MROH1: variants seen among roughly 807,000 people sequenced by gnomAD.
MROH1 encodes the protein maestro heat like repeat family member 1, also known as maestro heat-like repeat-containing protein family member 1.
MROH1 carries 117 observed loss-of-function variants against 116.5 expected under a neutral mutation model. The ratio of observed to expected loss-of-function variants is 1.00; its 90% confidence interval spans 0.86 to 1.17. The LOEUF (loss-of-function observed/expected upper bound fraction) is 1.17. Among genes scored for constraint, MROH1 ranks in the 50% most tolerant of loss-of-function variants. The pLI is 0.00. For synonymous variants in MROH1, 921 were observed against 583.9 expected (o/e 1.58, Z -8.32); for missense variants, 1,873 against 1,338.5 (o/e 1.40, Z -6.23).
At chr8:144,218,760 T>C (rs1246872901) in intron 12 of MROH1, among the ~76,000 whole-genome samples, 2 of 6,580 alleles carry the variant, frequency 3.0e-4, no homozygotes, top group Non-Finnish European at 5.7e-4. Context: ...CGCTTCCCCT[T>C]TTCCCTCCCC....
Position 144,244,243 on chromosome 8 carries a change from C to G in MROH1, c.2577C>G (p.Asp859Glu). 1.4e-6 allele frequency: 1 copy of G among 718,082 alleles called. No homozygotes were observed. Among genetic ancestry groups the G allele is most frequent in the Non-Finnish European group, 2.6e-6 (1 of 384,968 alleles). 44.5% of individuals were successfully genotyped at this position (718,082 alleles called of 1,614,324 possible). A position where few individuals can be genotyped will look rare whatever the true frequency, so the allele number is the denominator to read the frequency against. The change falls in exon 27 of 44, where the codon GAC becomes GAG. Residue 859 changes from aspartate to glutamate, a missense_variant. Physicochemically the swap from Asp to Glu is conservative, Grantham distance 45 (BLOSUM62 2). Coordinates refer to ENST00000326134, the MANE Select transcript of MROH1 (RefSeq NM_032450.3). ...TYLVSVEPAL[D>E]EQARADVIHG... Reference sequence around the variant, plus strand: ...TCAGCTCCGTGGAGCCAGCGCTGGACGAGCAGGCCCGGGCGGATGTGATCC... The same window carrying G: ...TCAGCTCCGTGGAGCCAGCGCTGGAGGAGCAGGCCCGGGCGGATGTGATCC...
intron 10 of MROH1, among the ~76,000 whole-genome samples, chr8:144,197,840 G>A (rs138795083): frequency 6.7e-6 from 1 of 150,068 alleles, no homozygotes. Context: ...TTGGGAGGCC[G>A]AGGCGGGCGG....
At chr8:144,254,681 C>T in intron 33 of MROH1, 132 bp from the exon 34 acceptor site, 1 of 609,930 alleles carries the variant, frequency 1.6e-6, no homozygotes, top group Non-Finnish European at 2.9e-6. Flanking sequence ...GAGGCCATTT[C>T]CCAGCTGGCT....
Position 144,260,368 on chromosome 8 carries a change from C to T in MROH1, c.4374C>T (p.Phe1458=), listed in dbSNP as rs1329470181. Residue 1458 remains phenylalanine (F), a synonymous_variant, in exon 39 of 44, where the codon TTC becomes TTT. Coordinates refer to ENST00000326134, the MANE Select transcript of MROH1 (RefSeq NM_032450.3). ...TGGCCATCCGCATCCGGCCTTTCTT[C>T]GACAGTGTAGGCTGGTTGGGGCAGG... ...LHVAIRIRPF[F]DSEKMEFRTA... is the part of the protein sequence containing the mutation. 2.1e-5 allele frequency: 15 copies of T among 719,358 alleles called. No individual in the cohort carries two copies. Among genetic ancestry groups the T allele is most frequent in the African/African-American group, 8.7e-5 (5 of 57,782 alleles). The allele number at this position is 719,358 out of a possible 1,614,324, so 44.6% of individuals were successfully genotyped here. A position where few individuals can be genotyped will look rare whatever the true frequency, so the allele number is the denominator to read the frequency against.
chr8:144,247,513 G>A, intron 30 of MROH1, 54 bp from the exon 31 acceptor site: 1 of 760,238 alleles, frequency 1.3e-6, no homozygotes, highest in Non-Finnish European at 2.4e-6. Context: ...AGTCCAGGCT[G>A]TGGGATCGCC....
At position 144,243,483 on chromosome 8, in the gene MROH1, C is replaced by T. The variant is rs949183580; in HGVS notation, c.2353-11C>T. Reference sequence around the variant, plus strand: ...GGCGTGGGCGTCTCCTGTAGCCCTGCGTCCCTGCAGGACCCAGCCCTGAAG... The same window carrying T: ...GGCGTGGGCGTCTCCTGTAGCCCTGTGTCCCTGCAGGACCCAGCCCTGAAG... On this transcript the variant is annotated splice_polypyrimidine_tract_variant and intron_variant, in intron 24 of 43. Transcript: ENST00000326134. The T allele has an allele frequency of 1.0e-5, 8 of 778,942 alleles. No individual in the cohort carries two copies. Among genetic ancestry groups the T allele is most frequent in the East Asian group, 2.4e-5 (1 of 41,256 alleles). 48.3% of individuals were successfully genotyped at this position (778,942 alleles called of 1,614,324 possible). A position where few individuals can be genotyped will look rare whatever the true frequency, so the allele number is the denominator to read the frequency against.
At position 144,180,221 on chromosome 8, in the gene MROH1, T is replaced by G. The variant is rs1337852088; in HGVS notation, c.344T>G (p.Val115Gly). The G allele has an allele frequency of 1.2e-6, 2 of 1,613,682 alleles. No individual in the cohort carries two copies. The highest frequency in any genetic ancestry group is 2.2e-5 in the East Asian group (1 of 44,864). The change falls in exon 6 of 44, where the codon GTG (valine) becomes GGG (glycine). Residue 115 changes from valine (V) to glycine (G), a missense_variant. Coordinates refer to ENST00000326134, the MANE Select transcript of MROH1 (RefSeq NM_032450.3). The surrounding 1 kb of genome is among the most constrained non-coding windows in gnomAD (Gnocchi z 7.4). ...DWQQAASGVL[V>G]AVGRQFISKV... The stretch of plus-strand genomic sequence containing the variant: ...CAGCAGGCGGCGAGTGGCGTCCTGG[T>G]GGCCGTGGGAAGACAGTTCATCAGC...
chr8:144,199,936 C>T (rs1022422283), intron 11 of MROH1, among the ~76,000 whole-genome samples: 5 of 152,194 alleles, frequency 3.3e-5, no homozygotes, highest in African/African-American at 1.2e-4. Flanking sequence ...CAGAGCCCAC[C>T]TGGAATGGGG....
intron 7 of MROH1, among the ~76,000 whole-genome samples, chr8:144,181,663 A>G (rs1825750379): frequency 6.6e-6 from 1 of 152,146 alleles, no homozygotes; most frequent in African/African-American, 2.4e-5. Context: ...GATTGGTGAC[A>G]GGATGGGGGC....
At chr8:144,256,068 A>G (rs2129661110) in intron 35 of MROH1, among the ~76,000 whole-genome samples, 1 of 152,266 alleles carries the variant, frequency 6.6e-6, no homozygotes, top group Non-Finnish European at 1.5e-5. Flanking sequence ...GGGGTCAACC[A>G]TGGCAGGACC....
chr8:144,148,796 G>A (rs1178583602), intron 1 of MROH1: 1 of 152,790 alleles, frequency 6.5e-6, no homozygotes, highest in Non-Finnish European at 1.5e-5. Flanking sequence ...GCGGGCGCTG[G>A]TGGCTCGGTC....
chr8:144,216,399 A>G (rs113642059), intron 12 of MROH1, among the ~76,000 whole-genome samples: 67,748 of 151,086 alleles, frequency 0.45, 15,360 homozygotes, highest in South Asian at 0.51. Flanking sequence ...GCGTGAACCC[A>G]GGAGGCGGAG....
intron 4 of MROH1, 26 bp downstream of exon 4, chr8:144,168,466 A>G (rs768769481): frequency 2.5e-6 from 4 of 1,583,284 alleles, no homozygotes; most frequent in Non-Finnish European, 3.4e-6. Flanking sequence ...GGTGGGGATG[A>G]TGTTGTCAGG....
At position 144,244,864 on chromosome 8, in the gene MROH1, G is replaced by A. The variant is rs902668947; in HGVS notation, c.2767-292G>A. Reference sequence around the variant, plus strand: ...TAGGGTGGGGCCGACCCCCATGCTCGGAGTGTGTTCTTCTAGGACCAAGGT... The same window carrying A: ...TAGGGTGGGGCCGACCCCCATGCTCAGAGTGTGTTCTTCTAGGACCAAGGT... On this transcript the variant is annotated intron_variant, in intron 28 of 43. Coordinates refer to ENST00000326134, the MANE Select transcript of MROH1 (RefSeq NM_032450.3). Among the ~76,000 whole-genome samples, 617 of 152,308 alleles carry A rather than the reference G, an allele frequency of 4.1e-3. 2 individuals carry two copies. The highest frequency in any genetic ancestry group is 0.014 in the African/African-American group (589 of 41,562).
At position 144,244,310 on chromosome 8, in the gene MROH1, A is replaced by AAGG; in HGVS notation, c.2652_2654dup (p.Glu884dup). ...CATCATGGCCCTGCTGCCTGAGCCC[A>AAGG]AGGAGGAGGACGGAGGCTGCCAGAA... On this transcript the variant is annotated inframe_insertion, in exon 27 of 44. Transcript: ENST00000326134. The AAGG allele has an allele frequency of 1.4e-6, 1 of 719,998 alleles. No homozygotes were observed. The highest frequency in any genetic ancestry group is 2.0e-5 in the Admixed American group (1 of 50,134). 44.6% of individuals were successfully genotyped at this position (719,998 alleles called of 1,614,324 possible).
In MROH1 at chr8:144,163,652, A is replaced by G; in HGVS notation, c.-56-119A>G. ...GTGGCTCAAAGAAAATGTGACGGAG[A>G]TATTTCCCCCAGAATAAATTCATTT... is the stretch of plus-strand genomic sequence containing the variant. On this transcript the variant is annotated intron_variant, in intron 2 of 43. Coordinates refer to ENST00000326134, the MANE Select transcript of MROH1 (RefSeq NM_032450.3). The surrounding 1 kb of genome is among the most constrained non-coding windows in gnomAD (Gnocchi z 4.4). The G allele has an allele frequency of 1.5e-6, 1 of 673,916 alleles. No homozygotes were observed. The highest frequency in any genetic ancestry group is 2.5e-6 in the Non-Finnish European group (1 of 403,060). 41.7% of individuals were successfully genotyped at this position (673,916 alleles called of 1,614,324 possible).
intron 8 of MROH1, among the ~76,000 whole-genome samples, chr8:144,191,306 G>C (rs1161961735): frequency 6.6e-6 from 1 of 152,138 alleles, no homozygotes; most frequent in Non-Finnish European, 1.5e-5. Context: ...CTGACCTCAG[G>C]CGATCCACCC....
At chr8:144,187,793 T>C (rs1246912007) in intron 7 of MROH1, among the ~76,000 whole-genome samples, 3 of 152,126 alleles carry the variant, frequency 2.0e-5, no homozygotes, top group Non-Finnish European at 4.4e-5. Context: ...CAGGTAGAGA[T>C]TTTTTGTCTG....
chr8:144,161,125 G>T (rs916302709), intron 2 of MROH1, 36 bp downstream of exon 2: 1 of 152,500 alleles, frequency 6.6e-6, no homozygotes. Flanking sequence ...TCTCCTCCCC[G>T]CTCTTCTGTC....
Sources: allele counts gnomAD v4.1 joint callset (sites outside exome capture counted in the v4.1 genomes callset), GRCh38; gene constraint gnomAD v4.1.1; non-coding constraint Gnocchi (gnomAD v3.1); transcripts MANE v1.5; gene names NCBI Gene and HGNC (gene_info 2026-07-23, HGNC 2026-07-21).